Variants in SHPRH observed in about 807,000 individuals in gnomAD.
SHPRH encodes the protein E3 ubiquitin-protein ligase SHPRH.
SHPRH carries 106 observed loss-of-function variants against 202.5 expected under a neutral mutation model. That is an observed-to-expected ratio of 0.52 (90% CI 0.45 to 0.62). The LOEUF (loss-of-function observed/expected upper bound fraction) is 0.62. Among genes scored for constraint, SHPRH ranks in the 20% least tolerant of loss-of-function variants. The probability of loss-of-function intolerance (pLI) is 0.00; values close to 1 mark genes in which losing one functional copy is unlikely to be tolerated. For missense variants in SHPRH, 1,710 were observed against 2,020.0 expected (o/e 0.85, Z 2.94); for synonymous variants, 729 against 686.0 (o/e 1.06, Z -0.98).
At chr6:145,950,236 G>T in intron 4 of SHPRH, 28 bp downstream of exon 4, 1 of 1,594,938 alleles carries the variant, frequency 6.3e-7, no homozygotes, top group South Asian at 1.1e-5. Context: ...CTAATCAATT[G>T]GACTTTCTTT....
Position 145,950,488 on chromosome 6 carries a change from C to A in SHPRH, c.764-6G>T, listed in dbSNP as rs758254889. ...TTCATCCTCTTCCAACACATCTGTA[C>A]ATCACACAGCAAATGTACTCAAAAA... On this transcript the variant is annotated splice_polypyrimidine_tract_variant and splice_region_variant and intron_variant, in intron 3 of 29. Transcript: ENST00000275233. 6.2e-7 allele frequency: 1 copy of A among 1,611,016 alleles called. No homozygotes were observed. Among genetic ancestry groups the A allele is most frequent in the African/African-American group, 1.3e-5 (1 of 74,780 alleles).
chr6:145,947,607 C>A lies in SHPRH; in HGVS notation c.1098G>T (p.Leu366Phe). Residue 366 changes from leucine (L) to phenylalanine (F), a missense_variant, in exon 6 of 30, where the codon TTG becomes TTT. Transcript: ENST00000275233. Reference protein sequence around the residue: ...IREYPNSGPQLLGGILADEMG... With the variant: ...IREYPNSGPQFLGGILADEMG... ...TCTCATCTGCTAAAATTCCACCAAG[C>A]AACTGCGGCCCAGAATTTGGGTACT... 6.2e-7 allele frequency: 1 copy of A among 1,612,690 alleles called. No homozygotes were observed. The highest frequency in any genetic ancestry group is 8.5e-7 in the Non-Finnish European group (1 of 1,179,198).
downstream of SHPRH, among the ~76,000 whole-genome samples, chr6:145,864,031 C>T (rs183637083): frequency 3.0e-4 from 46 of 152,126 alleles, no homozygotes; most frequent in African/African-American, 9.4e-4. Context: ...GTGCTGTGGT[C>T]CCAGGAAACC....
intron 25 of SHPRH, among the ~76,000 whole-genome samples, chr6:145,897,543 A>G (rs928771166): frequency 6.6e-6 from 1 of 152,162 alleles, no homozygotes; most frequent in Non-Finnish European, 1.5e-5. Flanking sequence ...ACAAGACCAG[A>G]AGTACTCTGA....
chr6:145,890,460 C>T (rs1781478936), intron 28 of SHPRH, among the ~76,000 whole-genome samples: 1 of 152,088 alleles, frequency 6.6e-6, no homozygotes, highest in Non-Finnish European at 1.5e-5. Context: ...AACAGGTGAC[C>T]ATAACCTCTT....
At chr6:145,938,119 C>A (rs1194996186) in intron 11 of SHPRH, among the ~76,000 whole-genome samples, 1 of 152,158 alleles carries the variant, frequency 6.6e-6, no homozygotes, top group Non-Finnish European at 1.5e-5. Context: ...GAAGCTTAAA[C>A]TCCAGTGAAT....
chr6:145,893,089 A>C (rs1781707448), intron 28 of SHPRH, 126 bp downstream of exon 28: 9 of 612,098 alleles, frequency 1.5e-5, no homozygotes, highest in Non-Finnish European at 2.1e-5. Context: ...TAATTAAAAA[A>C]TGTAGTATCT....
At chr6:145,907,741 T>C (rs1414288849) in intron 25 of SHPRH, 1 of 152,226 alleles carries the variant, frequency 6.6e-6, no homozygotes, top group East Asian at 1.9e-4. Flanking sequence ...AGATACCTGC[T>C]TAACTGTCAT....
chr6:145,894,128 C>T, intron 27 of SHPRH, 22 bp downstream of exon 27: 1 of 1,567,752 alleles, frequency 6.4e-7, no homozygotes. Flanking sequence ...ACTACAAAAA[C>T]CGGAGTAAAA....
chr6:145,949,139 AT>A (rs1787712912), intron 4 of SHPRH, among the ~76,000 whole-genome samples: 1 of 152,094 alleles, frequency 6.6e-6, no homozygotes, highest in Admixed American at 6.6e-5. Flanking sequence ...TACAATCTCT[AT>A]GGAAAACAGT....
intron 2 of SHPRH, chr6:145,877,818 G>A (rs1447832882): frequency 6.6e-6 from 1 of 152,098 alleles, no homozygotes; most frequent in Non-Finnish European, 1.5e-5. Context: ...CAAGTCTTTA[G>A]ACAAATTCAA....
At chr6:145,946,144 T>TA in intron 7 of SHPRH, 89 bp downstream of exon 7, 4 of 896,470 alleles carry the variant, frequency 4.5e-6, no homozygotes, top group Non-Finnish European at 4.8e-6. Context: ...CAATTGTTTA[T>TA]AACAATTACA....
chr6:145,886,688 A>C lies in SHPRH; in HGVS notation c.*3T>G. 1 of 1,612,914 alleles carries C rather than the reference A, an allele frequency of 6.2e-7. No individual in the cohort carries two copies. Among genetic ancestry groups the C allele is most frequent in the Non-Finnish European group, 8.5e-7 (1 of 1,179,438 alleles). ...AAAGTCCATGGAATGAATCAAGTGT[A>C]GTTCATTCAAGCTCTTCAGTTTCTT... On this transcript the variant is annotated 3_prime_UTR_variant, in exon 30 of 30. Coordinates refer to ENST00000275233, the MANE Select transcript of SHPRH (RefSeq NM_001042683.3).
intron 4 of SHPRH, among the ~76,000 whole-genome samples, chr6:145,949,106 C>T (rs535279739): frequency 9.9e-5 from 15 of 152,068 alleles, no homozygotes; most frequent in South Asian, 4.1e-4. Context: ...TGCTTTTACA[C>T]GGCTGATGGG....
chr6:145,879,497 A>C (rs1780455227), intron 2 of SHPRH, among the ~76,000 whole-genome samples: 1 of 152,204 alleles, frequency 6.6e-6, no homozygotes, highest in African/African-American at 2.4e-5. Context: ...TCCTTTTCTT[A>C]AAATTTTTCA....
rs1343402126 is a variant in SHPRH, at chr6:145,952,238, T to C, written c.763+111A>G. ...TATAATTTGCCATATAATCATTTAATTTTTATTATGGCTTTATTAGCTGTT... is the reference window on the plus strand; with the variant it reads ...TATAATTTGCCATATAATCATTTAACTTTTATTATGGCTTTATTAGCTGTT... On this transcript the variant is annotated intron_variant, in intron 3 of 29. Transcript: ENST00000275233. 3.0e-6 allele frequency: 3 copies of C among 1,001,904 alleles called. No individual in the cohort carries two copies. The East Asian group carries it at 8.1e-5, about 27-fold the overall frequency. The allele number at this position is 1,001,904 out of a possible 1,614,324, so 62.1% of individuals were successfully genotyped here. A position where few individuals can be genotyped will look rare whatever the true frequency, so the allele number is the denominator to read the frequency against.
intron 2 of SHPRH, among the ~76,000 whole-genome samples, chr6:145,876,344 C>T (rs539974186): frequency 2.0e-5 from 3 of 152,252 alleles, no homozygotes; most frequent in African/African-American, 7.2e-5. Flanking sequence ...ACTGCACTCC[C>T]ATCTGGGTGA....
chr6:145,937,044 T>TGG (rs1786176903), intron 11 of SHPRH, among the ~76,000 whole-genome samples: 1 of 145,728 alleles, frequency 6.9e-6, no homozygotes, highest in Non-Finnish European at 1.5e-5. Flanking sequence ...AGGGCAACGG[T>TGG]GCAATCTCAG....
Position 145,886,581 on chromosome 6 carries a change from C to A in SHPRH, c.*110G>T. On this transcript the variant is annotated 3_prime_UTR_variant, in exon 30 of 30. Transcript: ENST00000275233. ...CAGAACAATAAACAAATTCATTCAACTAGGAACAGTGTTACTGTTATCTAC... is the reference window on the plus strand; with the variant it reads ...CAGAACAATAAACAAATTCATTCAAATAGGAACAGTGTTACTGTTATCTAC... The A allele has an allele frequency of 1.3e-6, 2 of 1,517,524 alleles. No individual in the cohort carries two copies. The highest frequency in any genetic ancestry group is 1.8e-6 in the Non-Finnish European group (2 of 1,131,144). 94.0% of individuals were successfully genotyped at this position (1,517,524 alleles called of 1,614,324 possible). A position where few individuals can be genotyped will look rare whatever the true frequency, so the allele number is the denominator to read the frequency against.
Sources: gnomAD v4.1 joint callset for allele counts (sites outside exome capture counted in the v4.1 genomes callset) on GRCh38, gnomAD v4.1.1 for gene constraint, MANE v1.5 for transcripts, NCBI Gene and HGNC (gene_info 2026-07-23, HGNC 2026-07-21) for gene names.